The following SSH2 variants were observed in gnomAD, a reference collection of about 807,000 sequenced individuals.
SSH2 encodes the protein protein phosphatase Slingshot homolog 2.
A neutral mutation model predicts 135.2 loss-of-function variants in SSH2; 37 were observed. The ratio of observed to expected loss-of-function variants is 0.27; its 90% CI spans 0.21 to 0.36. The LOEUF is 0.36. SSH2 is among the 10% of genes least tolerant of loss of function. SSH2 has a pLI of 1.00. For synonymous variants in SSH2, 628 were observed against 646.2 expected (o/e 0.97, Z 0.43); for missense variants, 1,408 against 1,765.3 (o/e 0.80, Z 3.63).
At chr17:29,853,376 C>T (rs1042395053) in intron 1 of SSH2, among the ~76,000 whole-genome samples, 12 of 151,656 alleles carry the variant, frequency 7.9e-5, no homozygotes, top group East Asian at 3.9e-4. Flanking sequence ...TGAGCCACCG[C>T]GCGCGGCCTA....
intron 3 of SSH2, among the ~76,000 whole-genome samples, chr17:29,751,613 T>C (rs2151231540): frequency 6.6e-6 from 1 of 152,290 alleles, no homozygotes; most frequent in Admixed American, 6.5e-5. Flanking sequence ...ACATGAGTAA[T>C]ACATTATGCT....
rs2150952891 is a variant in SSH2 at position 29,628,045 on chromosome 17, A to G, written c.*2796T>C. ...GCTGCTTCAGGTCAGGTCATGAACAAAAGAAAAGGGAAAGATGCCACTGGA... is the reference window on the plus strand; with the variant it reads ...GCTGCTTCAGGTCAGGTCATGAACAGAAGAAAAGGGAAAGATGCCACTGGA... On this transcript the variant is annotated 3_prime_UTR_variant, in exon 16 of 16. Transcript: ENST00000540801. 6.7e-6 allele frequency: 1 copy of G among 148,166 alleles called. No homozygotes were observed. Among genetic ancestry groups the G allele is most frequent in the Middle Eastern group, 3.4e-3 (1 of 294 alleles). 9.2% of individuals were successfully genotyped at this position (148,166 alleles called of 1,614,324 possible). A position where few individuals can be genotyped will look rare whatever the true frequency, so the allele number is the denominator to read the frequency against.
chr17:29,690,898 T>C (rs1485140912), intron 5 of SSH2, among the ~76,000 whole-genome samples: 2 of 151,700 alleles, frequency 1.3e-5, no homozygotes, highest in East Asian at 1.9e-4. Flanking sequence ...AACAAAACAA[T>C]GCTCTTCCTC....
chr17:29,654,173 C>T (rs773034487), intron 12 of SSH2, among the ~76,000 whole-genome samples: 3 of 152,094 alleles, frequency 2.0e-5, no homozygotes, highest in Non-Finnish European at 2.9e-5. Flanking sequence ...GTGAACATAC[C>T]TATCATTCAT....
intron 3 of SSH2, among the ~76,000 whole-genome samples, chr17:29,733,629 G>C (rs1305470664): frequency 6.6e-6 from 1 of 151,822 alleles, no homozygotes; most frequent in Non-Finnish European, 1.5e-5. Context: ...TTAAACAATA[G>C]TTACCAAACA....
At chr17:29,700,827 T>C (rs1348578034) in intron 4 of SSH2, among the ~76,000 whole-genome samples, 2 of 152,194 alleles carry the variant, frequency 1.3e-5, no homozygotes, top group Non-Finnish European at 2.9e-5. Context: ...TCTCATTCTG[T>C]CGCCCAGGCT....
chr17:29,711,917 T>C (rs1381852448), intron 3 of SSH2, among the ~76,000 whole-genome samples: 1 of 152,190 alleles, frequency 6.6e-6, no homozygotes, highest in Non-Finnish European at 1.5e-5. Flanking sequence ...TCTCGGTCAA[T>C]TTAGGAAGTT....
rs1192855927 is a variant in SSH2 at position 29,631,543 on chromosome 17, G to T, written c.3651C>A (p.Ser1217Arg). Residue 1217 changes from serine (S) to arginine (R), a missense_variant, in exon 16 of 16, where the codon AGC becomes AGA. By Grantham distance (110) the Ser-to-Arg change is moderately radical. This residue lies in a region of SSH2 where 1,080 missense variants were observed against 1,144.5 expected (regional missense o/e 0.94). Transcript: ENST00000540801. ...QLSSADLSLI[S>R]KLGDNTGELQ... ...ACTCCCCAGTGTTGTCACCAAGTTT[G>T]CTAATTAAACTTAGGTCTGCGCTAC... is the stretch of plus-strand genomic sequence containing the variant. 1 of 1,614,130 alleles carries T rather than the reference G, an allele frequency of 6.2e-7. No homozygotes were observed. Among genetic ancestry groups the T allele is most frequent in the Admixed American group, 1.7e-5 (1 of 60,022 alleles).
intron 1 of SSH2, among the ~76,000 whole-genome samples, chr17:29,893,345 T>G (rs531372448): frequency 6.6e-6 from 1 of 152,102 alleles, no homozygotes; most frequent in South Asian, 2.1e-4. Context: ...CCCCCAAAAT[T>G]GATATGCTGA....
At chr17:29,927,887 T>C (rs1331905631) in intron 1 of SSH2, among the ~76,000 whole-genome samples, 2 of 152,182 alleles carry the variant, frequency 1.3e-5, no homozygotes, top group Non-Finnish European at 2.9e-5. Flanking sequence ...CAACTGAGCT[T>C]ATTACATGAT....
At chr17:29,654,081 G>GGT (rs1183994839) in intron 12 of SSH2, among the ~76,000 whole-genome samples, 2 of 152,102 alleles carry the variant, frequency 1.3e-5, no homozygotes, top group African/African-American at 4.8e-5. Flanking sequence ...TTAGAACTGA[G>GGT]GTCTCTGAAT....
At chr17:29,887,652 G>GC (rs1171830762) in intron 1 of SSH2, among the ~76,000 whole-genome samples, 1 of 152,160 alleles carries the variant, frequency 6.6e-6, no homozygotes, top group African/African-American at 2.4e-5. Flanking sequence ...TCAGAATAGT[G>GC]CCTAGCACAG....
chr17:29,820,643 C>T (rs2042635947), intron 2 of SSH2, among the ~76,000 whole-genome samples: 1 of 152,118 alleles, frequency 6.6e-6, no homozygotes, highest in South Asian at 2.1e-4. Flanking sequence ...AAAGTATTCC[C>T]CAGCTTCCTT....
At position 29,831,729 on chromosome 17, in the gene SSH2, G is replaced by A. The variant is rs571887075; in HGVS notation, c.144+17120C>T. Among the ~76,000 whole-genome samples, 63 of 145,032 alleles carry A rather than the reference G, an allele frequency of 4.3e-4. 1 individual carries two copies. The highest frequency in any genetic ancestry group is 4.9e-4 in the Non-Finnish European group (32 of 65,394). ...TGGGATTACAGGCATGTGCCACCAC[G>A]CCCAGCTAAGTTTTTTTTTTTTGTA... On this transcript the variant is annotated intron_variant, in intron 2 of 15. Coordinates refer to ENST00000540801, the MANE Select transcript of SSH2 (RefSeq NM_001282129.2).
At chr17:29,880,199 G>A (rs1319568522) in intron 1 of SSH2, among the ~76,000 whole-genome samples, 1 of 152,166 alleles carries the variant, frequency 6.6e-6, no homozygotes, top group Non-Finnish European at 1.5e-5. Flanking sequence ...ACAGCTCACT[G>A]CAGGCTCGAG....
intron 2 of SSH2, among the ~76,000 whole-genome samples, chr17:29,807,671 G>A (rs1469547678): frequency 6.6e-6 from 1 of 152,154 alleles, no homozygotes; most frequent in East Asian, 1.9e-4. Flanking sequence ...ACATCTTGGA[G>A]TGGCAGTGAA....
chr17:29,848,969 T>G (rs1437110956), intron 1 of SSH2, 40 bp from the exon 2 acceptor site: 2 of 1,398,612 alleles, frequency 1.4e-6, no homozygotes, highest in Admixed American at 2.0e-5. Context: ...TCCAAACGAA[T>G]GGGCCCATAA....
intron 3 of SSH2, among the ~76,000 whole-genome samples, chr17:29,745,161 TTTC>T (rs1408349651): frequency 1.3e-5 from 2 of 151,962 alleles, no homozygotes; most frequent in African/African-American, 2.4e-5. Flanking sequence ...TCTTTTCGTT[TTTC>T]TTTTTTTTTT....
chr17:29,874,228 G>A (rs2065988089), intron 1 of SSH2, among the ~76,000 whole-genome samples: 1 of 147,846 alleles, frequency 6.8e-6, no homozygotes, highest in South Asian at 2.2e-4. Context: ...GGGAGGTGGA[G>A]GTTGCAGTAA....
Sources: gnomAD v4.1 joint callset for allele counts (sites outside exome capture counted in the v4.1 genomes callset) on GRCh38, gnomAD v4.1.1 for gene constraint, gnomAD v4.1.1 regional missense constraint, MANE v1.5 for transcripts, NCBI Gene and HGNC (gene_info 2026-07-23, HGNC 2026-07-21) for gene names.